Variants in RIMS2 observed in about 807,000 individuals in gnomAD.
RIMS2 encodes regulating synaptic membrane exocytosis protein 2.
In RIMS2, 59 loss-of-function variants were observed where a neutral mutation model predicts 174.4. That is an observed-to-expected ratio of 0.34 (90% confidence interval 0.27 to 0.42). The LOEUF is 0.42. Ranked by LOEUF, RIMS2 falls within the 10% of genes least tolerant of loss-of-function variation. The probability of loss-of-function intolerance (pLI) is 1.00; values close to 1 mark genes in which losing one functional copy is unlikely to be tolerated. For missense variants in RIMS2, 1,620 were observed against 1,666.3 expected, an observed-to-expected ratio of 0.97 and a Z score of 0.48; for synonymous variants, 606 against 572.5, an observed-to-expected ratio of 1.06 and a Z score of -0.84.
rs143070425 is a variant in RIMS2 at position 103,979,480 on chromosome 8, A to G, written c.2927+3974A>G. On this transcript the variant is annotated intron_variant, in intron 16 of 23. Transcript: ENST00000504942. ...TTCAGCAGTTCCACTACTGAGTATCAAAGGATATGAAATCAGTATGTCAAA... is the reference window on the plus strand; with the variant it reads ...TTCAGCAGTTCCACTACTGAGTATCGAAGGATATGAAATCAGTATGTCAAA... Among the ~76,000 whole-genome samples the G allele has an allele frequency of 8.5e-3, 1,296 of 152,346 alleles. 19 individuals carry two copies. The highest frequency in any genetic ancestry group is 0.029 in the African/African-American group (1,219 of 41,578).
rs1370732701 is a variant in RIMS2, at chr8:104,170,207, AT to A, written c.3335-74702del. On this transcript the variant is annotated intron_variant, in intron 19 of 23. Transcript: ENST00000504942. Reference sequence around the variant, plus strand: ...TTGTTCTATGGTTTAGTTTAAGTCCATTTTTTTGTTGTTGTTGACTTTCCGT... The same window carrying A: ...TTGTTCTATGGTTTAGTTTAAGTCCATTTTTTGTTGTTGTTGACTTTCCGT... 3.3e-5 allele frequency among the ~76,000 whole-genome samples: 5 copies of A among 152,044 alleles called. No individual in the cohort carries two copies. The South Asian group carries it at 1.0e-3, about 32-fold the overall frequency.
chr8:104,203,102 C>T (rs983382188), intron 19 of RIMS2, among the ~76,000 whole-genome samples: 1 of 151,936 alleles, frequency 6.6e-6, no homozygotes, highest in Non-Finnish European at 1.5e-5. Flanking sequence ...TCCTCCCAGC[C>T]CCGCAAATAT....
chr8:103,932,662 C>T (rs1019533168), intron 12 of RIMS2, among the ~76,000 whole-genome samples: 5 of 152,112 alleles, frequency 3.3e-5, no homozygotes, highest in African/African-American at 7.2e-5. Flanking sequence ...ATTTTTAAGA[C>T]GATTAAAGTC....
At position 104,228,024 on chromosome 8, in the gene RIMS2, C is replaced by CTT. The variant is rs1004772231; in HGVS notation, c.3335-16875_3335-16874dup. On this transcript the variant is annotated intron_variant, in intron 19 of 23. Coordinates refer to ENST00000504942, the Ensembl canonical transcript of RIMS2. ...GCCTCACTCTTTGTGTGTTTCTTTT[C>CTT]TTTTTTTTTTTTTTTTTTCTTTGAG... 9.9e-3 allele frequency among the ~76,000 whole-genome samples: 1,321 copies of CTT among 133,562 alleles called. 24 individuals are homozygous for CTT. The highest frequency in any genetic ancestry group is 0.035 in the African/African-American group (1,272 of 36,266). The allele number at this position is 133,562 out of a possible 152,430, so 87.6% of individuals were successfully genotyped here.
At chr8:103,876,335 C>T (rs79960162) in intron 3 of RIMS2, among the ~76,000 whole-genome samples, 21,175 of 151,656 alleles carry the variant, frequency 0.14, 1,659 homozygotes, top group Middle Eastern at 0.24. Context: ...ATCTAATTTT[C>T]GAAGCACCAT....
chr8:104,248,769 C>A, exon 21 of RIMS2: 1 of 1,612,858 alleles, frequency 6.2e-7, no homozygotes, highest in Non-Finnish European at 8.5e-7. Flanking sequence ...GGCCTTGGCC[C>A]TGCTCAGCTA....
In RIMS2 at chr8:103,774,866, G is replaced by T. The variant is rs901942263; in HGVS notation, c.698+8329G>T. On this transcript the variant is annotated intron_variant, in intron 3 of 23. Transcript: ENST00000504942. ...TGGCTACTATAGCGGTAACGTTTAA[G>T]ATCTGTATACTTTTAACTGCATGTA... Among the ~76,000 whole-genome samples, 2 of 152,210 alleles carry T rather than the reference G, an allele frequency of 1.3e-5. 1 individual carries two copies. The highest frequency in any genetic ancestry group is 2.9e-5 in the Non-Finnish European group (2 of 67,964).
intron 17 of RIMS2, chr8:103,998,080 A>C: frequency 1.3e-6 from 1 of 790,608 alleles, no homozygotes; most frequent in Middle Eastern, 2.4e-4. Flanking sequence ...TGCTTTGCTT[A>C]CTGTCTGCCT....
At chr8:103,761,626 T>C (rs1377511139) in intron 2 of RIMS2, among the ~76,000 whole-genome samples, 1 of 152,250 alleles carries the variant, frequency 6.6e-6, no homozygotes, top group Non-Finnish European at 1.5e-5. Flanking sequence ...TATAATTGTA[T>C]GGTCATAGCT....
intron 1 of RIMS2, among the ~76,000 whole-genome samples, chr8:103,532,380 A>C (rs1417723868): frequency 2.0e-5 from 3 of 152,224 alleles, no homozygotes; most frequent in African/African-American, 7.2e-5. Flanking sequence ...TTTTGATTAA[A>C]ACAATAGCAA....
chr8:104,105,934 G>T (rs1459542139), intron 19 of RIMS2, among the ~76,000 whole-genome samples: 1 of 150,680 alleles, frequency 6.6e-6, no homozygotes, highest in Non-Finnish European at 1.5e-5. Flanking sequence ...CAGCTACTCG[G>T]GAGGCTGAGG....
intron 17 of RIMS2, among the ~76,000 whole-genome samples, chr8:103,990,575 A>G (rs2094615572): frequency 1.3e-5 from 2 of 152,200 alleles, no homozygotes; most frequent in South Asian, 4.1e-4. Context: ...TATCAAGTAC[A>G]ATACTGTAAT....
chr8:104,115,975 A>G (rs2098272117), intron 19 of RIMS2, among the ~76,000 whole-genome samples: 2 of 152,206 alleles, frequency 1.3e-5, no homozygotes, highest in East Asian at 3.8e-4. Context: ...TTGCAGCTAC[A>G]GTAGTAATTG....
exon 4 of RIMS2, chr8:103,885,385 G>C: frequency 1.9e-6 from 3 of 1,612,572 alleles, no homozygotes; most frequent in Non-Finnish European, 2.5e-6. Flanking sequence ...ATGCTACTTC[G>C]GATACCGCAA....
At chr8:103,647,094 A>AT (rs375559186) in intron 1 of RIMS2, among the ~76,000 whole-genome samples, 177 of 152,172 alleles carry the variant, frequency 1.2e-3, no homozygotes, top group African/African-American at 3.9e-3. Flanking sequence ...CAAATTATGC[A>AT]TTTTTTGTCT....
chr8:103,589,616 G>T (rs1244905321), intron 1 of RIMS2, among the ~76,000 whole-genome samples: 1 of 151,416 alleles, frequency 6.6e-6, no homozygotes, highest in Admixed American at 6.6e-5. Flanking sequence ...TATTGAAGAA[G>T]TATCTGAACT....
At chr8:103,632,273 ACT>A (rs1381514802) in intron 1 of RIMS2, among the ~76,000 whole-genome samples, 1 of 151,854 alleles carries the variant, frequency 6.6e-6, no homozygotes, top group Non-Finnish European at 1.5e-5. Context: ...GTCATAGATG[ACT>A]CTTATTATTT....
At chr8:104,015,777 AAGATATCAATTGC>A (rs1391187493) in intron 19 of RIMS2, among the ~76,000 whole-genome samples, 1 of 152,062 alleles carries the variant, frequency 6.6e-6, no homozygotes, top group Admixed American at 6.6e-5. Context: ...ACTTTAACCA[AAGATATCAATTGC>A]AGTCTACGTT....
chr8:104,185,879 G>GT (rs544638177), intron 19 of RIMS2, among the ~76,000 whole-genome samples: 6 of 151,580 alleles, frequency 4.0e-5, no homozygotes, highest in Non-Finnish European at 8.9e-5. Context: ...TCACTTCTGG[G>GT]TATCTACCTA....
Sources: gnomAD v4.1 joint callset for allele counts (sites outside exome capture counted in the v4.1 genomes callset) on GRCh38, gnomAD v4.1.1 for gene constraint, MANE v1.5 for transcripts, NCBI Gene and HGNC (gene_info 2026-07-23, HGNC 2026-07-21) for gene names.